Variants in RAB10 observed in about 807,000 individuals in gnomAD.
The protein encoded by RAB10 is RAB10, member RAS oncogene family.
A neutral mutation model predicts 25.7 loss-of-function variants in RAB10; 5 were observed. The ratio of observed to expected loss-of-function variants is 0.19; its 90% confidence interval spans 0.10 to 0.41. RAB10 has a LOEUF of 0.41. Ranked by LOEUF, RAB10 falls within the 10% of genes least tolerant of loss-of-function variation. The probability of loss-of-function intolerance (pLI) is 1.00; values close to 1 mark genes in which losing one functional copy is unlikely to be tolerated. For synonymous variants in RAB10, 89 were observed against 86.4 expected (o/e 1.03, Z -0.16); for missense variants, 103 against 245.8 (o/e 0.42, Z 3.89).
chr2:26,061,932 C>T (rs1390560687), intron 1 of RAB10, among the ~76,000 whole-genome samples: 1 of 152,044 alleles, frequency 6.6e-6, no homozygotes, highest in Admixed American at 6.6e-5. Flanking sequence ...GTTTGTTGCC[C>T]AGGCTAAACA....
intron 1 of RAB10, among the ~76,000 whole-genome samples, chr2:26,041,348 C>A (rs1296130674): frequency 6.6e-6 from 1 of 151,530 alleles, no homozygotes; most frequent in East Asian, 1.9e-4. Flanking sequence ...TGAGACCAGC[C>A]TGGCCAACAT....
chr2:26,072,003 G>A (rs187082767), intron 1 of RAB10, among the ~76,000 whole-genome samples: 86 of 152,114 alleles, frequency 5.7e-4, no homozygotes, highest in Non-Finnish European at 1.1e-3. Context: ...AATGAAATAC[G>A]CCAACATTTG....
chr2:26,065,628 A>G (rs1264573344), intron 1 of RAB10, among the ~76,000 whole-genome samples: 1 of 152,220 alleles, frequency 6.6e-6, no homozygotes, highest in Non-Finnish European at 1.5e-5. Flanking sequence ...ACTTGATACC[A>G]TTGTAGGACA....
intron 1 of RAB10, among the ~76,000 whole-genome samples, chr2:26,038,878 T>C (rs1574522338): frequency 7.0e-6 from 1 of 143,026 alleles, no homozygotes; most frequent in Non-Finnish European, 1.5e-5. Context: ...TGAGCCGAGG[T>C]CGCACTACTG....
chr2:26,060,581 C>T (rs939720569), intron 1 of RAB10, among the ~76,000 whole-genome samples: 12 of 152,138 alleles, frequency 7.9e-5, no homozygotes, highest in African/African-American at 2.9e-4. Flanking sequence ...AGCCAACGTG[C>T]CCGGCCTGTT....
chr2:26,121,983 G>A (rs924108194), intron 3 of RAB10, among the ~76,000 whole-genome samples: 4 of 152,110 alleles, frequency 2.6e-5, no homozygotes, highest in South Asian at 2.1e-4. Flanking sequence ...TGGTTCTTGC[G>A]TGTTTTCATC....
chr2:26,102,521 C>T (rs1450139881), intron 2 of RAB10, among the ~76,000 whole-genome samples: 1 of 150,410 alleles, frequency 6.6e-6, no homozygotes, highest in African/African-American at 2.5e-5. Context: ...TCACTGCAAG[C>T]TCTGCCTCCT....
intron 1 of RAB10, among the ~76,000 whole-genome samples, chr2:26,048,343 C>T (rs1666059929): frequency 6.6e-6 from 1 of 152,172 alleles, no homozygotes; most frequent in East Asian, 1.9e-4. Context: ...TGTATGAGTG[C>T]ACTTTCTCTG....
chr2:26,087,381 A>G (rs1667009588), intron 1 of RAB10, among the ~76,000 whole-genome samples: 1 of 152,156 alleles, frequency 6.6e-6, no homozygotes, highest in Admixed American at 6.5e-5. Context: ...TACTGCTGTT[A>G]TTGCTGCTGC....
In RAB10 at chr2:26,112,809, A is replaced by C. The variant is rs543500792; in HGVS notation, c.327+2903A>C. ...TAAAAAGAAAATCTTGGCCAGGCGC[A>C]GTGGCTCATGCCTGTAATCCCAGCA... On this transcript the variant is annotated intron_variant, in intron 3 of 5. Transcript: ENST00000264710. Among the ~76,000 whole-genome samples, 8 of 152,274 alleles carry C rather than the reference A, an allele frequency of 5.3e-5. No homozygotes were observed. In the South Asian group the frequency reaches 1.7e-3, roughly 32 times the overall value.
chr2:26,115,156 C>T (rs1238103221), intron 3 of RAB10, among the ~76,000 whole-genome samples: 1 of 152,166 alleles, frequency 6.6e-6, no homozygotes, highest in African/African-American at 2.4e-5. Flanking sequence ...TAGAAAGATG[C>T]AGCTGGTTTG....
intron 1 of RAB10, 126 bp downstream of exon 1, chr2:26,034,861 A>G (rs1665729876): frequency 2.2e-6 from 3 of 1,369,910 alleles, no homozygotes; most frequent in Middle Eastern, 2.2e-4. Context: ...GACACATCCA[A>G]GTTACTGTTT....
chr2:26,060,345 T>C (rs1044574920), intron 1 of RAB10, among the ~76,000 whole-genome samples: 2 of 152,166 alleles, frequency 1.3e-5, no homozygotes, highest in Non-Finnish European at 2.9e-5. Context: ...CAGGCTGGAG[T>C]GCAGTGGCAC....
chr2:26,073,263 A>T (rs1381775130), intron 1 of RAB10, among the ~76,000 whole-genome samples: 1 of 152,232 alleles, frequency 6.6e-6, no homozygotes, highest in African/African-American at 2.4e-5. Flanking sequence ...CAAATGGGAG[A>T]AGGGGCTATT....
chr2:26,097,385 T>C (rs891984870), intron 1 of RAB10, among the ~76,000 whole-genome samples: 6 of 152,172 alleles, frequency 3.9e-5, no homozygotes, highest in African/African-American at 1.4e-4. Context: ...GTGATTCTTC[T>C]GCGTCAGCCT....
chr2:26,035,273 G>A (rs1480821540), intron 1 of RAB10, among the ~76,000 whole-genome samples: 1 of 152,110 alleles, frequency 6.6e-6, no homozygotes, highest in African/African-American at 2.4e-5. Flanking sequence ...TCAAACAATC[G>A]GAGGCTCTTC....
intron 1 of RAB10, among the ~76,000 whole-genome samples, chr2:26,088,596 A>T (rs192970875): frequency 2.8e-4 from 43 of 152,094 alleles, no homozygotes; most frequent in African/African-American, 9.4e-4. Flanking sequence ...CACCCTGTTC[A>T]TCTTTAGTTT....
intron 1 of RAB10, among the ~76,000 whole-genome samples, chr2:26,066,972 G>C (rs1666527441): frequency 6.6e-6 from 1 of 151,936 alleles, no homozygotes; most frequent in African/African-American, 2.4e-5. Context: ...AGTAGAGATG[G>C]GGTTTATCCA....
At chr2:26,048,114 G>T (rs1356080489) in intron 1 of RAB10, among the ~76,000 whole-genome samples, 1 of 147,304 alleles carries the variant, frequency 6.8e-6, no homozygotes, top group African/African-American at 2.5e-5. Flanking sequence ...TTTACCCATT[G>T]ACCGACATCT....
Sources: gnomAD v4.1 joint callset for allele counts (sites outside exome capture counted in the v4.1 genomes callset) on GRCh38, gnomAD v4.1.1 for gene constraint, MANE v1.5 for transcripts, NCBI Gene and HGNC (gene_info 2026-07-23, HGNC 2026-07-21) for gene names.